CASK: variants seen among roughly 807,000 people sequenced by gnomAD.
CASK encodes calcium/calmodulin dependent serine protein kinase.
A neutral mutation model predicts 82.9 loss-of-function variants in CASK; 4 were observed. The ratio of observed to expected loss-of-function variants is 0.05; its 90% CI spans 0.02 to 0.11. The LOEUF (loss-of-function observed/expected upper bound fraction) is 0.11. CASK is among the 10% of genes least tolerant of loss of function. The pLI is 1.00. For synonymous variants in CASK, 259 were observed against 253.5 expected, an observed-to-expected ratio of 1.02 and a Z score of -0.20; for missense variants, 358 against 720.9, an observed-to-expected ratio of 0.50 and a Z score of 5.76.
At chrX:41,524,193 C>T in intron 25 of CASK, 159 bp from the exon 26 acceptor site, 1 of 450,951 alleles carries the variant, frequency 2.2e-6, no homozygotes, top group Non-Finnish European at 3.8e-6. Flanking sequence ...TTATACATAA[C>T]TTATATTACT....
At chrX:41,554,121 T>C (rs931081867) in intron 20 of CASK, among the ~76,000 whole-genome samples, 2 of 112,429 alleles carry the variant, frequency 1.8e-5, no homozygotes, top group Non-Finnish European at 3.8e-5. Flanking sequence ...GCTTCAAAAC[T>C]TTGCTGTTTT....
chrX:41,803,872 CA>C (rs201998384), intron 2 of CASK, among the ~76,000 whole-genome samples: 18,736 of 110,440 alleles, frequency 0.17, 1,437 homozygotes, highest in Middle Eastern at 0.31. Flanking sequence ...ACAGAAGAAA[CA>C]GCAAAAATGC....
rs1434732231 is a variant in CASK, at chrX:41,626,735, A to G, written c.916-32T>C. The G allele has an allele frequency of 3.4e-6, 3 of 872,103 alleles. No individual in the cohort carries two copies. The South Asian group carries it at 6.2e-5, about 18-fold the overall frequency. 71.9% of individuals were successfully genotyped at this position (872,103 alleles called of 1,213,427 possible). On this transcript the variant is annotated intron_variant, in intron 9 of 26. Transcript: ENST00000378163. The stretch of plus-strand genomic sequence containing the variant: ...CAAAGAGATGAAAAAATAGATTATT[A>G]AAACAAATACACAAATATAAATAAG...
chrX:41,908,622 G>A (rs1379928968), intron 1 of CASK, among the ~76,000 whole-genome samples: 1 of 111,688 alleles, frequency 9.0e-6, no homozygotes, highest in Non-Finnish European at 1.9e-5. Context: ...AAAAGGAAAG[G>A]GTAGAGTAGT....
chrX:41,911,303 A>C (rs756007481), intron 1 of CASK, among the ~76,000 whole-genome samples: 1 of 112,062 alleles, frequency 8.9e-6, no homozygotes, highest in East Asian at 2.8e-4. Context: ...TTTCTAACCT[A>C]AATAATGCAA....
Position 41,517,867 on chromosome X carries a change from C to A in CASK, c.*2553G>T. The A allele has an allele frequency of 1.6e-6, 1 of 607,652 alleles. No individual in the cohort carries two copies. The highest frequency in any genetic ancestry group is 2.6e-6 in the Non-Finnish European group (1 of 379,420). The allele number at this position is 607,652 out of a possible 1,213,427, so 50.1% of individuals were successfully genotyped here. ...AATTCAGAAATGTAAGTATATGCAG[C>A]TAGGTCATAAAGACACTGCTTTAGA... On this transcript the variant is annotated 3_prime_UTR_variant, in exon 27 of 27. Coordinates refer to ENST00000378163, the MANE Select transcript of CASK (RefSeq NM_001367721.1).
chrX:41,917,856 C>G (rs1216223837), intron 1 of CASK, among the ~76,000 whole-genome samples: 5 of 111,521 alleles, frequency 4.5e-5, no homozygotes, highest in Non-Finnish European at 9.4e-5. Flanking sequence ...ATATTGCTTC[C>G]CCACTCCCAT....
At chrX:41,740,137 G>A (rs1352000922) in intron 4 of CASK, among the ~76,000 whole-genome samples, 1 of 111,656 alleles carries the variant, frequency 9.0e-6, no homozygotes. Context: ...AAATGGTAAT[G>A]GGGTTAACTA....
At chrX:41,658,011 T>C (rs1235126369) in intron 8 of CASK, among the ~76,000 whole-genome samples, 1 of 110,479 alleles carries the variant, frequency 9.1e-6, no homozygotes, top group Non-Finnish European at 1.9e-5. Flanking sequence ...GTTTAATCAA[T>C]CATGCCTATA....
At chrX:41,852,461 T>C (rs2071283552) in intron 2 of CASK, among the ~76,000 whole-genome samples, 1 of 111,749 alleles carries the variant, frequency 8.9e-6, no homozygotes, top group Admixed American at 9.5e-5. Context: ...ATCTGAAGTA[T>C]GAGCATGTAT....
chrX:41,922,907 C>T (rs747271438), intron 1 of CASK, 23 bp downstream of exon 1: 2 of 1,199,537 alleles, frequency 1.7e-6, no homozygotes, highest in South Asian at 3.5e-5. Context: ...TCCACACTCC[C>T]GCTCCCTCGC....
intron 13 of CASK, among the ~76,000 whole-genome samples, chrX:41,588,721 A>C (rs1473838301): frequency 9.1e-6 from 1 of 109,575 alleles, no homozygotes; most frequent in East Asian, 2.8e-4. Flanking sequence ...TATTTGCACA[A>C]AGACTGACAT....
At chrX:41,670,565 A>C (rs754629640) in intron 6 of CASK, among the ~76,000 whole-genome samples, 1 of 111,327 alleles carries the variant, frequency 9.0e-6, no homozygotes, top group South Asian at 3.8e-4. Flanking sequence ...TGGGCAATGT[A>C]GTGAGACCTT....
At chrX:41,765,237 C>A (rs760163294) in intron 3 of CASK, among the ~76,000 whole-genome samples, 3 of 112,052 alleles carry the variant, frequency 2.7e-5, no homozygotes, top group Non-Finnish European at 3.8e-5. Flanking sequence ...TTATCTATGA[C>A]TCTCTTTGTC....
chrX:41,696,589 A>G (rs2067693190), intron 5 of CASK: 2 of 1,207,851 alleles, frequency 1.7e-6, no homozygotes, highest in South Asian at 3.5e-5. Context: ...TCATCTTTCA[A>G]TAGTTGCTTA....
At chrX:41,580,095 T>C (rs985305355) in intron 14 of CASK, among the ~76,000 whole-genome samples, 3 of 112,067 alleles carry the variant, frequency 2.7e-5, no homozygotes, top group African/African-American at 9.7e-5. Context: ...CTTGTACTGG[T>C]ACTCCTGAGC....
chrX:41,674,082 G>A (rs1449023116), intron 5 of CASK, among the ~76,000 whole-genome samples: 1 of 110,591 alleles, frequency 9.0e-6, no homozygotes, highest in African/African-American at 3.3e-5. Context: ...AGAGGAGGAA[G>A]AAAGAGGAAG....
intron 3 of CASK, among the ~76,000 whole-genome samples, chrX:41,761,853 T>C (rs1414690467): frequency 1.8e-5 from 2 of 112,326 alleles, no homozygotes; most frequent in African/African-American, 3.2e-5. Context: ...CCTTTGAGTA[T>C]TACAGGAAGA....
intron 1 of CASK, among the ~76,000 whole-genome samples, chrX:41,856,580 C>T (rs1165011475): frequency 2.7e-5 from 3 of 110,567 alleles, no homozygotes; most frequent in Non-Finnish European, 5.7e-5. Flanking sequence ...GGATAACTGC[C>T]GCTCCCTCAT....
Sources: gnomAD v4.1 joint callset for allele counts (sites outside exome capture counted in the v4.1 genomes callset) on GRCh38, gnomAD v4.1.1 for gene constraint, MANE v1.5 for transcripts, NCBI Gene and HGNC (gene_info 2026-07-23, HGNC 2026-07-21) for gene names.